Variants in SMG6 observed in about 807,000 individuals in gnomAD.
SMG6 encodes telomerase-binding protein EST1A.
In SMG6, 66 loss-of-function variants were observed where a neutral mutation model predicts 142.2. That is an observed-to-expected ratio of 0.46 (90% CI 0.38 to 0.57). The LOEUF (loss-of-function observed/expected upper bound fraction) is 0.57. Among genes scored for constraint, SMG6 ranks in the 20% least tolerant of loss-of-function variants. The pLI is 0.00. For missense variants in SMG6, 1,793 were observed against 1,832.0 expected, an observed-to-expected ratio of 0.98 and a Z score of 0.39; for synonymous variants, 779 against 702.4, an observed-to-expected ratio of 1.11 and a Z score of -1.72.
intron 11 of SMG6, 74 bp downstream of exon 11, chr17:2,188,325 A>C: frequency 2.5e-6 from 3 of 1,204,722 alleles, no homozygotes; most frequent in South Asian, 2.5e-5. Flanking sequence ...CCGAGAAAAC[A>C]GCATGGCACT....
intron 10 of SMG6, among the ~76,000 whole-genome samples, chr17:2,235,295 C>T (rs1193883582): frequency 6.6e-6 from 1 of 152,146 alleles, no homozygotes; most frequent in Non-Finnish European, 1.5e-5. Context: ...CTGTAGCAGG[C>T]AGCATGAGAG....
At chr17:2,222,991 C>T (rs1186538069) in intron 10 of SMG6, among the ~76,000 whole-genome samples, 2 of 152,184 alleles carry the variant, frequency 1.3e-5, no homozygotes, top group Non-Finnish European at 2.9e-5. Context: ...TTATGTGGAA[C>T]AGACAGTGAT....
rs1312487837 is a variant in SMG6, at chr17:2,107,940, T to A, written c.3358-22039A>T. 3.9e-5 allele frequency among the ~76,000 whole-genome samples: 6 copies of A among 152,188 alleles called. 1 individual carries two copies. Among genetic ancestry groups the A allele is most frequent in the Admixed American group, 3.9e-4 (6 of 15,276 alleles). ...CCTTCAAGGGCACCCAAGTCCTCAC[T>A]TTAGAGTTCTATTTCTGGGAGAATC... On this transcript the variant is annotated intron_variant, in intron 13 of 18. Transcript: ENST00000263073.
chr17:2,256,956 G>C (rs1450696322), intron 8 of SMG6, among the ~76,000 whole-genome samples: 1 of 29,868 alleles, frequency 3.3e-5, no homozygotes, highest in African/African-American at 6.5e-5. Flanking sequence ...ACAAAGGTAT[G>C]TATGTATGTA....
chr17:2,297,048 C>T (rs1435689928), intron 4 of SMG6, among the ~76,000 whole-genome samples, 195 bp downstream of exon 4: 1 of 150,746 alleles, frequency 6.6e-6, no homozygotes, highest in Non-Finnish European at 1.5e-5. Context: ...AGAAAAAAGG[C>T]TGGGGAGCAC....
intron 10 of SMG6, among the ~76,000 whole-genome samples, chr17:2,222,995 C>G (rs959767042): frequency 1.3e-5 from 2 of 152,202 alleles, no homozygotes; most frequent in African/African-American, 4.8e-5. Flanking sequence ...GTGGAACAGA[C>G]AGTGATAACA....
chr17:2,166,267 G>C (rs1005244222), intron 13 of SMG6, among the ~76,000 whole-genome samples: 1 of 152,014 alleles, frequency 6.6e-6, no homozygotes, highest in Admixed American at 6.6e-5. Context: ...TATCCAGTGA[G>C]AATCTACCTA....
intron 13 of SMG6, among the ~76,000 whole-genome samples, chr17:2,126,503 A>G (rs548094158): frequency 6.6e-6 from 1 of 152,248 alleles, no homozygotes; most frequent in African/African-American, 2.4e-5. Flanking sequence ...AGGCAGGCAG[A>G]TCACTTGAGG....
rs774671818 is a variant in SMG6 at position 2,299,334 on chromosome 17, C to A, written c.1419G>T (p.Gln473His). 3.1e-6 allele frequency: 5 copies of A among 1,613,996 alleles called. No individual in the cohort carries two copies. In the East Asian group the frequency reaches 1.1e-4, roughly 36 times the overall value. Residue 473 changes from glutamine (Q) to histidine (H), a missense_variant, in exon 2 of 19, where the codon CAG becomes CAT. Transcript: ENST00000263073. The surrounding 1 kb of genome is among the most constrained non-coding windows in gnomAD (Gnocchi z 4.3). ...CATCATCAGTGTCCAAGAAATGTAG[C>A]TGGGGCGTCTGAGTCTTTAGAGCAG... ...QKPALKTQTPQLHFLDTDDEV... is the reference protein window; with the variant it reads ...QKPALKTQTPHLHFLDTDDEV...
chr17:2,073,294 C>G (rs879392488), intron 15 of SMG6, among the ~76,000 whole-genome samples: 5 of 151,898 alleles, frequency 3.3e-5, no homozygotes, highest in Non-Finnish European at 5.9e-5. Context: ...ATGTTGGCCA[C>G]ACTGGTCTCA....
intron 13 of SMG6, among the ~76,000 whole-genome samples, chr17:2,157,447 C>A (rs961863253): frequency 7.9e-5 from 12 of 152,192 alleles, no homozygotes; most frequent in Admixed American, 3.3e-4. Flanking sequence ...AACTACCTCT[C>A]CTGTTCCTCT....
chr17:2,091,794 C>T (rs1262507490), intron 13 of SMG6, among the ~76,000 whole-genome samples: 2 of 151,818 alleles, frequency 1.3e-5, no homozygotes, highest in African/African-American at 2.4e-5. Context: ...CCTCAGCCTC[C>T]CGAGTAGCTG....
chr17:2,120,046 G>A (rs943178048), intron 13 of SMG6, among the ~76,000 whole-genome samples: 5 of 152,152 alleles, frequency 3.3e-5, no homozygotes, highest in Admixed American at 1.3e-4. Context: ...GGCCTCAAGC[G>A]ATCCACCCAC....
In SMG6 at chr17:2,300,651, T is replaced by A. The variant is rs2075260633; in HGVS notation, c.102A>T (p.Glu34Asp). Reference sequence around the variant, plus strand: ...CTTTGCGCGGCCTGGCCTCCTTTAATTCCTTCATGTTTTCTGTTATGTCGG... The same window carrying A: ...CTTTGCGCGGCCTGGCCTCCTTTAAATCCTTCATGTTTTCTGTTATGTCGG... Reference protein sequence around the residue: ...PQAGSRENMKELKEARPRKDN... With the variant: ...PQAGSRENMKDLKEARPRKDN... The change falls in exon 2 of 19, where the codon GAA (glutamate) becomes GAT (aspartate). Residue 34 changes from glutamate to aspartate, a missense_variant. Transcript: ENST00000263073. 1.9e-6 allele frequency: 3 copies of A among 1,580,952 alleles called. No individual in the cohort carries two copies. In the African/African-American group the frequency reaches 4.1e-5, roughly 22 times the overall value.
At chr17:2,173,009 C>CA in intron 12 of SMG6, 150 bp from the exon 13 acceptor site, 1 of 720,082 alleles carries the variant, frequency 1.4e-6, no homozygotes, top group Admixed American at 2.5e-5. Flanking sequence ...TGCTAGGAAA[C>CA]AAAACTGTGC....
At chr17:2,268,856 G>A (rs1440507774) in intron 8 of SMG6, among the ~76,000 whole-genome samples, 1 of 150,850 alleles carries the variant, frequency 6.6e-6, no homozygotes. Context: ...ACCTGGCAGT[G>A]AGCTGAGATC....
intron 14 of SMG6, among the ~76,000 whole-genome samples, chr17:2,084,692 T>C (rs1005560832): frequency 3.3e-5 from 5 of 152,360 alleles, no homozygotes; most frequent in Admixed American, 2.6e-4. Flanking sequence ...TGTTGGCCTA[T>C]GGGTGACCTG....
intron 10 of SMG6, among the ~76,000 whole-genome samples, chr17:2,189,445 G>A (rs576065616): frequency 1.2e-4 from 18 of 152,288 alleles, no homozygotes; most frequent in Admixed American, 2.0e-4. Context: ...CACAGCCTCC[G>A]AGGAGGAGAC....
intron 10 of SMG6, chr17:2,199,971 G>A (rs2072464426): frequency 6.6e-6 from 1 of 151,110 alleles, no homozygotes; most frequent in Non-Finnish European, 1.5e-5. Context: ...ACCCAGGCTG[G>A]AGTGTAGTGG....
Sources: gnomAD v4.1 joint callset for allele counts (sites outside exome capture counted in the v4.1 genomes callset) on GRCh38, gnomAD v4.1.1 for gene constraint, Gnocchi (gnomAD v3.1) non-coding constraint, MANE v1.5 for transcripts, NCBI Gene and HGNC (gene_info 2026-07-23, HGNC 2026-07-21) for gene names.